Variants in SNTG1 observed in about 807,000 individuals in gnomAD.
SNTG1 encodes syntrophin gamma 1.
In SNTG1, 39 loss-of-function variants were observed where a neutral mutation model predicts 74.7. The observed-to-expected ratio is 0.52, with a 90% CI of 0.40 to 0.68. The LOEUF (loss-of-function observed/expected upper bound fraction) is 0.68. Among genes scored for constraint, SNTG1 ranks in the 30% least tolerant of loss-of-function variants. The probability of loss-of-function intolerance (pLI) is 0.00; values close to 1 mark genes in which losing one functional copy is unlikely to be tolerated. For missense variants in SNTG1, 685 were observed against 609.5 expected (o/e 1.12, Z -1.30); for synonymous variants, 254 against 217.1 (o/e 1.17, Z -1.49).
At chr8:50,167,243 G>T (rs1475818094) in intron 1 of SNTG1, among the ~76,000 whole-genome samples, 4 of 139,904 alleles carry the variant, frequency 2.9e-5, no homozygotes, top group Admixed American at 7.4e-5. Context: ...TGCACAATGT[G>T]CACATGTACC....
chr8:50,207,218 C>A (rs192932246), intron 2 of SNTG1, among the ~76,000 whole-genome samples: 3 of 152,232 alleles, frequency 2.0e-5, no homozygotes, highest in East Asian at 1.9e-4. Context: ...GGTTGGTAAG[C>A]TATTAATTAT....
chr8:50,342,643 T>C (rs1382649106), intron 2 of SNTG1, among the ~76,000 whole-genome samples: 1 of 152,146 alleles, frequency 6.6e-6, no homozygotes, highest in Non-Finnish European at 1.5e-5. Context: ...GTCATTCACA[T>C]TCCCCCCAGC....
chr8:50,384,169 GA>G lies in SNTG1; in HGVS notation c.-27-10039del, dbSNP rs557669169. On this transcript the variant is annotated intron_variant, in intron 2 of 18. Coordinates refer to ENST00000642720, the MANE Select transcript of SNTG1 (RefSeq NM_018967.5). ...GGAGAACTTTGACTCAGCCCTGCAAGAAAATGCCACCTGGCTGATGCCATAA... is the reference window on the plus strand; with the variant it reads ...GGAGAACTTTGACTCAGCCCTGCAAGAAATGCCACCTGGCTGATGCCATAA... 2.4e-3 allele frequency among the ~76,000 whole-genome samples: 369 copies of G among 152,268 alleles called. 5 individuals carry two copies. The highest frequency in any genetic ancestry group is 8.4e-3 in the African/African-American group (349 of 41,564).
At chr8:50,081,894 G>A (rs1822449150) in intron 1 of SNTG1, among the ~76,000 whole-genome samples, 1 of 152,166 alleles carries the variant, frequency 6.6e-6, no homozygotes, top group South Asian at 2.1e-4. Flanking sequence ...GCCTGCCAAA[G>A]TGCTAGGATT....
chr8:50,180,256 A>C (rs553589828), intron 2 of SNTG1, among the ~76,000 whole-genome samples: 23 of 152,150 alleles, frequency 1.5e-4, no homozygotes, highest in Non-Finnish European at 2.4e-4. Flanking sequence ...GTGCAATGGT[A>C]GTTACTTGGG....
intron 13 of SNTG1, among the ~76,000 whole-genome samples, chr8:50,637,620 C>T (rs2095047320): frequency 6.6e-6 from 1 of 152,078 alleles, no homozygotes; most frequent in Non-Finnish European, 1.5e-5. Context: ...AGATCACTCA[C>T]TCCTATTTTA....
At chr8:50,301,908 G>A (rs1211120846) in intron 2 of SNTG1, among the ~76,000 whole-genome samples, 4 of 151,572 alleles carry the variant, frequency 2.6e-5, no homozygotes, top group Non-Finnish European at 5.9e-5. Context: ...CCAGGCTGGA[G>A]TGCAGTGGCT....
intron 4 of SNTG1, among the ~76,000 whole-genome samples, chr8:50,420,564 T>C (rs1049975144): frequency 3.3e-5 from 5 of 152,046 alleles, no homozygotes; most frequent in Admixed American, 6.6e-5. Flanking sequence ...TCCTGAAACA[T>C]CACAAAGGAA....
intron 12 of SNTG1, among the ~76,000 whole-genome samples, chr8:50,564,235 G>A (rs923418643): frequency 7.2e-5 from 11 of 151,812 alleles, no homozygotes; most frequent in African/African-American, 2.2e-4. Context: ...TTTAGAATAA[G>A]TAGAGTGATA....
At chr8:50,045,691 C>T (rs1296711343) in intron 1 of SNTG1, among the ~76,000 whole-genome samples, 1 of 152,116 alleles carries the variant, frequency 6.6e-6, no homozygotes, top group Non-Finnish European at 1.5e-5. Flanking sequence ...ACATACCCCA[C>T]AAAAATGATT....
intron 2 of SNTG1, among the ~76,000 whole-genome samples, chr8:50,333,348 G>T (rs533514889): frequency 6.6e-4 from 101 of 152,300 alleles, no homozygotes; most frequent in African/African-American, 2.2e-3. Flanking sequence ...TTAAGTGTTT[G>T]TTTGCAAGTA....
At chr8:50,274,445 C>G (rs2087976970) in intron 2 of SNTG1, among the ~76,000 whole-genome samples, 1 of 151,744 alleles carries the variant, frequency 6.6e-6, no homozygotes, top group African/African-American at 2.4e-5. Context: ...TATTTTTTGT[C>G]TATTATTGGG....
chr8:50,128,661 T>A lies in SNTG1; in HGVS notation c.-102-43900T>A, dbSNP rs541604305. Among the ~76,000 whole-genome samples the A allele has an allele frequency of 5.3e-5, 8 of 152,200 alleles. No individual in the cohort carries two copies. The East Asian group carries it at 1.4e-3, about 26-fold the overall frequency. On this transcript the variant is annotated intron_variant, in intron 1 of 18. Coordinates refer to ENST00000642720, the MANE Select transcript of SNTG1 (RefSeq NM_018967.5). ...TTGTTGGTTATTGTTTCTCCCACTT[T>A]AGAATAAAAAAAAATAATTGAACCA...
chr8:50,094,704 G>A (rs1029726127), intron 1 of SNTG1, among the ~76,000 whole-genome samples: 4 of 152,152 alleles, frequency 2.6e-5, no homozygotes, highest in Admixed American at 2.0e-4. Context: ...GCAGAGACAA[G>A]GGAACACTTA....
intron 13 of SNTG1, among the ~76,000 whole-genome samples, chr8:50,642,366 G>T (rs150889633): frequency 6.6e-6 from 1 of 151,974 alleles, no homozygotes; most frequent in African/African-American, 2.4e-5. Flanking sequence ...CAGTCAAAAC[G>T]CACATTAAAT....
chr8:50,620,294 C>T (rs752965557), intron 13 of SNTG1, among the ~76,000 whole-genome samples: 3 of 152,172 alleles, frequency 2.0e-5, no homozygotes, highest in Non-Finnish European at 4.4e-5. Context: ...AATCTCTGCT[C>T]ATTTTTCTGT....
At chr8:50,653,651 C>A (rs185488307) in intron 13 of SNTG1, among the ~76,000 whole-genome samples, 1 of 152,034 alleles carries the variant, frequency 6.6e-6, no homozygotes, top group Admixed American at 6.6e-5. Flanking sequence ...ATTTCACTAA[C>A]GTAGTTACTT....
intron 2 of SNTG1, among the ~76,000 whole-genome samples, chr8:50,302,049 G>T (rs905457699): frequency 6.6e-6 from 1 of 151,954 alleles, no homozygotes; most frequent in African/African-American, 2.4e-5. Context: ...TAGAGACAGA[G>T]TTTCACCATG....
chr8:50,705,732 C>T (rs775731691), intron 16 of SNTG1, among the ~76,000 whole-genome samples: 3 of 152,134 alleles, frequency 2.0e-5, no homozygotes, highest in African/African-American at 4.8e-5. Context: ...ATTTATTGAA[C>T]TTTGTTTCTT....
Sources: allele counts gnomAD v4.1 joint callset (sites outside exome capture counted in the v4.1 genomes callset), GRCh38; gene constraint gnomAD v4.1.1; transcripts MANE v1.5; gene names NCBI Gene and HGNC (gene_info 2026-07-23, HGNC 2026-07-21).